ANKS1B: variants seen among roughly 807,000 people sequenced by gnomAD.
ANKS1B encodes ankyrin repeat and sterile alpha motif domain-containing protein 1B.
In ANKS1B, 36 loss-of-function variants were observed where a neutral mutation model predicts 148.3. That is an observed-to-expected ratio of 0.24 (90% confidence interval 0.19 to 0.32). ANKS1B has a LOEUF of 0.32. ANKS1B is among the 10% of genes least tolerant of loss of function. The probability of loss-of-function intolerance (pLI) is 1.00; values close to 1 mark genes in which losing one functional copy is unlikely to be tolerated. For missense variants in ANKS1B, 1,157 were observed against 1,542.6 expected (o/e 0.75, Z 4.19); for synonymous variants, 542 against 560.8 (o/e 0.97, Z 0.47).
At chr12:99,736,995 C>T (rs1332174108) in intron 8 of ANKS1B, among the ~76,000 whole-genome samples, 1 of 152,124 alleles carries the variant, frequency 6.6e-6, no homozygotes, top group Admixed American at 6.6e-5. Context: ...AATGAGATAT[C>T]ATCTTACCCC....
At chr12:99,677,754 A>T (rs2098587146) in intron 8 of ANKS1B, among the ~76,000 whole-genome samples, 1 of 151,970 alleles carries the variant, frequency 6.6e-6, no homozygotes, top group Non-Finnish European at 1.5e-5. Flanking sequence ...CTGGCAGATC[A>T]CGAGGTCAGG....
chr12:99,656,802 CT>C (rs2098451866), intron 8 of ANKS1B, among the ~76,000 whole-genome samples: 1 of 152,044 alleles, frequency 6.6e-6, no homozygotes, highest in Non-Finnish European at 1.5e-5. Context: ...ACTAAATTGT[CT>C]AAAGGTCCTC....
intron 1 of ANKS1B, among the ~76,000 whole-genome samples, chr12:99,935,836 C>CT (rs1367691674): frequency 6.6e-6 from 1 of 152,042 alleles, no homozygotes; most frequent in Non-Finnish European, 1.5e-5. Flanking sequence ...GATGTGTACC[C>CT]TATAGGATGA....
chr12:99,432,257 T>G (rs757660528), intron 11 of ANKS1B, among the ~76,000 whole-genome samples: 2 of 152,186 alleles, frequency 1.3e-5, no homozygotes, highest in Admixed American at 6.5e-5. Flanking sequence ...AGGTGTTCCA[T>G]TATAGCGACA....
intron 25 of ANKS1B, among the ~76,000 whole-genome samples, chr12:98,755,176 GAA>G (rs923286623): frequency 2.6e-5 from 4 of 152,140 alleles, no homozygotes; most frequent in Non-Finnish European, 5.9e-5. Context: ...AATGGGGAAA[GAA>G]CCCCCATTTT....
chr12:98,771,204 C>G (rs2098560353), intron 25 of ANKS1B, among the ~76,000 whole-genome samples: 1 of 152,120 alleles, frequency 6.6e-6, no homozygotes, highest in Non-Finnish European at 1.5e-5. Context: ...CGGTTTCACT[C>G]TGTAGTCCAG....
At chr12:99,404,721 G>A (rs2094492505) in intron 11 of ANKS1B, among the ~76,000 whole-genome samples, 1 of 144,954 alleles carries the variant, frequency 6.9e-6, no homozygotes, top group Non-Finnish European at 1.5e-5. Context: ...AGAGGTGGGT[G>A]GAATAAAAAG....
chr12:99,828,663 C>A (rs1259527835), intron 1 of ANKS1B, among the ~76,000 whole-genome samples: 1 of 151,826 alleles, frequency 6.6e-6, no homozygotes, highest in Non-Finnish European at 1.5e-5. Flanking sequence ...AATGTAAGAA[C>A]AATGAAATAA....
chr12:98,737,956 A>C (rs1001494423), intron 9 of ANKS1B, among the ~76,000 whole-genome samples: 1 of 152,262 alleles, frequency 6.6e-6, no homozygotes, highest in Non-Finnish European at 1.5e-5. Flanking sequence ...TGTCACTGGA[A>C]TACATTCCTT....
intron 8 of ANKS1B, among the ~76,000 whole-genome samples, chr12:99,742,943 A>G (rs2060264268): frequency 6.6e-6 from 1 of 152,088 alleles, no homozygotes; most frequent in South Asian, 2.1e-4. Context: ...AAATCCTCAC[A>G]ACTTTGTACT....
chr12:98,938,771 C>T (rs1424573210), intron 17 of ANKS1B, among the ~76,000 whole-genome samples: 1 of 152,170 alleles, frequency 6.6e-6, no homozygotes, highest in Non-Finnish European at 1.5e-5. Flanking sequence ...AGAACAGTTT[C>T]TTGGAAGGAA....
intron 17 of ANKS1B, among the ~76,000 whole-genome samples, chr12:99,029,428 G>C (rs1031242522): frequency 1.3e-5 from 2 of 152,210 alleles, no homozygotes; most frequent in African/African-American, 4.8e-5. Flanking sequence ...AGTTGTCTGG[G>C]CTGCTGCAGG....
At chr12:99,052,676 C>T (rs562510474) in intron 17 of ANKS1B, among the ~76,000 whole-genome samples, 20 of 119,564 alleles carry the variant, frequency 1.7e-4, no homozygotes, top group Non-Finnish European at 2.6e-4. Flanking sequence ...TGCAGTGAGC[C>T]GAGATTGCGC....
At chr12:99,558,947 C>A (rs1021253747) in intron 9 of ANKS1B, among the ~76,000 whole-genome samples, 1 of 152,112 alleles carries the variant, frequency 6.6e-6, no homozygotes, top group African/African-American at 2.4e-5. Context: ...TGTGGGGTGT[C>A]CTGCTGCTAG....
chr12:99,362,348 A>G lies in ANKS1B; in HGVS notation c.1756+37283T>C, dbSNP rs1256557236. ...TTATCTCATATCCAATCTTCATAAGAAAGATCCTACGAGAGGGGTTCTGTC... is the reference window on the plus strand; with the variant it reads ...TTATCTCATATCCAATCTTCATAAGGAAGATCCTACGAGAGGGGTTCTGTC... On this transcript the variant is annotated intron_variant, in intron 12 of 26. Coordinates refer to ENST00000683438, the MANE Select transcript of ANKS1B (RefSeq NM_001352186.2). 3.9e-5 allele frequency among the ~76,000 whole-genome samples: 6 copies of G among 152,132 alleles called. No homozygotes were observed. The East Asian group carries it at 7.7e-4, about 20-fold the overall frequency.
At chr12:99,060,345 C>T (rs1447250990) in intron 16 of ANKS1B, among the ~76,000 whole-genome samples, 3 of 152,150 alleles carry the variant, frequency 2.0e-5, no homozygotes, top group African/African-American at 7.2e-5. Context: ...CAGGACAGTA[C>T]TCTGTGGAGT....
chr12:99,620,757 A>T (rs1243364675), intron 9 of ANKS1B, among the ~76,000 whole-genome samples: 1 of 152,190 alleles, frequency 6.6e-6, no homozygotes, highest in African/African-American at 2.4e-5. Context: ...AGATAAGATT[A>T]TGTAAAGTGA....
chr12:99,139,456 C>T (rs1158753891), intron 15 of ANKS1B, among the ~76,000 whole-genome samples: 3 of 85,918 alleles, frequency 3.5e-5, no homozygotes, highest in Non-Finnish European at 6.4e-5. Context: ...TTCTTTCTTT[C>T]TTTCAAGATA....
intron 17 of ANKS1B, among the ~76,000 whole-genome samples, chr12:99,009,157 G>T (rs2099937845): frequency 1.3e-5 from 2 of 152,200 alleles, no homozygotes; most frequent in African/African-American, 4.8e-5. Flanking sequence ...GCAAAGCAGA[G>T]AATCTGTTGG....
Sources: gnomAD v4.1 joint callset for allele counts (sites outside exome capture counted in the v4.1 genomes callset) on GRCh38, gnomAD v4.1.1 for gene constraint, MANE v1.5 for transcripts, NCBI Gene and HGNC (gene_info 2026-07-23, HGNC 2026-07-21) for gene names.